The following COPZ1 variants were observed in gnomAD, a reference collection of about 807,000 sequenced individuals.
COPZ1 encodes coat protein complex I subunit zeta 1.
In COPZ1, 4 loss-of-function variants were observed where a neutral mutation model predicts 31.7. The observed-to-expected ratio is 0.13, with a 90% CI of 0.06 to 0.29. The LOEUF (loss-of-function observed/expected upper bound fraction) is 0.29, where lower values mean the gene tolerates loss of function less well. Ranked by LOEUF, COPZ1 falls within the 10% of genes least tolerant of loss-of-function variation. The pLI is 1.00. For missense variants in COPZ1, 156 were observed against 211.5 expected (o/e 0.74, Z 1.63); for synonymous variants, 74 against 79.0 (o/e 0.94, Z 0.33).
chr12:54,346,518 C>A (rs1330644222), intron 5 of COPZ1: 22 of 639,320 alleles, frequency 3.4e-5, no homozygotes, highest in Non-Finnish European at 2.0e-5. Flanking sequence ...AATGATCCAC[C>A]TACCTTGGCC....
intron 1 of COPZ1, among the ~76,000 whole-genome samples, chr12:54,327,778 TAAAA>T (rs1208071523): frequency 2.6e-5 from 4 of 151,974 alleles, no homozygotes; most frequent in African/African-American, 9.7e-5. Context: ...AAAATAAGAA[TAAAA>T]AACCTCCCCC....
intron 2 of COPZ1, among the ~76,000 whole-genome samples, chr12:54,341,891 A>C (rs1262597863): frequency 3.3e-5 from 5 of 152,274 alleles, no homozygotes; most frequent in Middle Eastern, 3.4e-3. Context: ...GAAACACTTG[A>C]TGAGAATGGT....
chr12:54,343,136 C>T (rs1954003878), intron 3 of COPZ1, 89 bp from the exon 4 acceptor site: 1 of 998,802 alleles, frequency 1.0e-6, no homozygotes, highest in Non-Finnish European at 1.6e-6. Context: ...GGATTACAGG[C>T]ATGAGCCACT....
chr12:54,347,899 GTCC>G, intron 6 of COPZ1, 55 bp downstream of exon 6: 2 of 1,607,182 alleles, frequency 1.2e-6, no homozygotes, highest in Non-Finnish European at 1.7e-6. Flanking sequence ...AACTGCCCCT[GTCC>G]TAAGTCAAGC....
chr12:54,348,324 GATAAA>G (rs1954097630), intron 7 of COPZ1, among the ~76,000 whole-genome samples: 1 of 152,190 alleles, frequency 6.6e-6, no homozygotes, highest in Non-Finnish European at 1.5e-5. Context: ...TTTAATAAAT[GATAAA>G]ATAAACTTTA....
In COPZ1 at chr12:54,347,754, C is replaced by T. The variant is rs767017259; in HGVS notation, c.318-13C>T. The T allele has an allele frequency of 6.2e-6, 10 of 1,609,042 alleles. No homozygotes were observed. The highest frequency in any genetic ancestry group is 3.3e-4 in the Middle Eastern group (2 of 6,072). On this transcript the variant is annotated splice_polypyrimidine_tract_variant and intron_variant, in intron 5 of 8. Transcript: ENST00000262061. Reference sequence around the variant, plus strand: ...CAAGTTGGTTATTCTCTTCTCTTCTCTTGGGGACTCAGGAAAAATGTAGAA... The same window carrying T: ...CAAGTTGGTTATTCTCTTCTCTTCTTTTGGGGACTCAGGAAAAATGTAGAA...
At chr12:54,332,310 C>CA (rs894231107) in intron 1 of COPZ1, among the ~76,000 whole-genome samples, 85 of 140,318 alleles carry the variant, frequency 6.1e-4, no homozygotes, top group Admixed American at 1.3e-3. Context: ...GACTCCGTCT[C>CA]AAAAAAAAAA....
intron 1 of COPZ1, among the ~76,000 whole-genome samples, chr12:54,328,591 C>G (rs1216149145): frequency 6.6e-6 from 1 of 152,124 alleles, no homozygotes; most frequent in African/African-American, 2.4e-5. Flanking sequence ...AAGAAAGTCT[C>G]TCTGTCACAT....
intron 3 of COPZ1, 151 bp downstream of exon 3, chr12:54,342,438 A>G: frequency 1.6e-6 from 1 of 639,832 alleles, no homozygotes; most frequent in Non-Finnish European, 2.8e-6. Context: ...TCAGAATGTA[A>G]TGGGGAGGTG....
Position 54,340,625 on chromosome 12 carries a change from C to T in COPZ1, c.87+10C>T. ...TCGACTTTTTGCCAAGGTGAGATTCCCTTTCGAATTAGTTTAGGAACAGCA... is the reference window on the plus strand; with the variant it reads ...TCGACTTTTTGCCAAGGTGAGATTCTCTTTCGAATTAGTTTAGGAACAGCA... On this transcript the variant is annotated intron_variant, in intron 2 of 8. Transcript: ENST00000262061. 5 of 1,612,580 alleles carry T rather than the reference C, an allele frequency of 3.1e-6. No homozygotes were observed. The highest frequency in any genetic ancestry group is 4.2e-6 in the Non-Finnish European group (5 of 1,179,340).
At chr12:54,341,638 GC>G (rs1953975444) in intron 2 of COPZ1, among the ~76,000 whole-genome samples, 1 of 152,144 alleles carries the variant, frequency 6.6e-6, no homozygotes, top group Admixed American at 6.5e-5. Context: ...CTGCATCTCC[GC>G]CCCCTTTGCC....
chr12:54,346,270 CTT>C (rs1029430029), intron 5 of COPZ1, among the ~76,000 whole-genome samples: 21 of 138,350 alleles, frequency 1.5e-4, no homozygotes, highest in Admixed American at 2.2e-4. Context: ...ATTTTTTTTT[CTT>C]TTTTTTTTTT....
At chr12:54,327,017 G>GT (rs1195243615) in intron 1 of COPZ1, among the ~76,000 whole-genome samples, 1 of 108,042 alleles carries the variant, frequency 9.3e-6, no homozygotes, top group Non-Finnish European at 1.7e-5. Flanking sequence ...GTCTGGCTGT[G>GT]TTGCCCAGGC....
chr12:54,329,402 G>A (rs995418216), intron 1 of COPZ1, among the ~76,000 whole-genome samples: 6 of 152,192 alleles, frequency 3.9e-5, no homozygotes, highest in Admixed American at 3.9e-4. Context: ...TGACCAACAT[G>A]GTGAAACCCG....
At chr12:54,350,318 C>T (rs1565598678) in intron 8 of COPZ1, 158 bp from the exon 9 acceptor site, 1 of 777,068 alleles carries the variant, frequency 1.3e-6, no homozygotes. Context: ...TCTGCTAGGG[C>T]CTTAGAGAGC....
chr12:54,349,695 G>C, intron 8 of COPZ1, 37 bp downstream of exon 8: 1 of 1,550,996 alleles, frequency 6.4e-7, no homozygotes, highest in Non-Finnish European at 8.9e-7. Context: ...GATGGACTGG[G>C]TCACTAAAGA....
chr12:54,328,622 G>A (rs572421914), intron 1 of COPZ1, among the ~76,000 whole-genome samples: 6 of 152,274 alleles, frequency 3.9e-5, no homozygotes, highest in African/African-American at 1.4e-4. Flanking sequence ...TTAGTTCTCT[G>A]TCTCTGCTTC....
intron 1 of COPZ1, among the ~76,000 whole-genome samples, chr12:54,337,849 T>C (rs954330774): frequency 1.3e-5 from 2 of 152,220 alleles, no homozygotes; most frequent in Non-Finnish European, 2.9e-5. Flanking sequence ...CTCCTTAGCC[T>C]GTCTTTTATT....
Position 54,350,794 on chromosome 12 carries a change from C to A in COPZ1, c.*271C>A. ...CTCTTTCTTTCTAGACTGGATTATGCTCACATGCTCCCTTGCCCTGACATT... is the reference window on the plus strand; with the variant it reads ...CTCTTTCTTTCTAGACTGGATTATGATCACATGCTCCCTTGCCCTGACATT... On this transcript the variant is annotated 3_prime_UTR_variant, in exon 9 of 9. Transcript: ENST00000262061. 2 of 527,934 alleles carry A rather than the reference C, an allele frequency of 3.8e-6. No homozygotes were observed. 32.7% of individuals were successfully genotyped at this position (527,934 alleles called of 1,614,324 possible).
Sources: gnomAD v4.1 joint callset for allele counts (sites outside exome capture counted in the v4.1 genomes callset) on GRCh38, gnomAD v4.1.1 for gene constraint, MANE v1.5 for transcripts, NCBI Gene and HGNC (gene_info 2026-07-23, HGNC 2026-07-21) for gene names.